The following ADAMTS8 variants were observed in gnomAD, a reference collection of about 807,000 sequenced individuals.
The protein encoded by ADAMTS8 is A disintegrin and metalloproteinase with thrombospondin motifs 8.
ADAMTS8 carries 50 observed loss-of-function variants against 64.4 expected under a neutral mutation model. That is an observed-to-expected ratio of 0.78 (90% CI 0.62 to 0.98). The LOEUF is 0.98. ADAMTS8 is among the 50% of genes least tolerant of loss of function. The pLI, the probability that ADAMTS8 is intolerant of heterozygous loss-of-function variation, is 0.00. For missense variants in ADAMTS8, 1,192 were observed against 1,208.2 expected (o/e 0.99, Z 0.20); for synonymous variants, 556 against 533.6 (o/e 1.04, Z -0.58).
rs949355015 is a variant in ADAMTS8, at chr11:130,416,624, C to T, written c.1097-294G>A. On this transcript the variant is annotated intron_variant, in intron 3 of 8. Coordinates refer to ENST00000257359, the MANE Select transcript of ADAMTS8 (RefSeq NM_007037.6). This position sits in a 1 kb window ranked among gnomAD's most constrained non-coding sequence, Gnocchi z 4.8. ...ACCATTGTTCTTCCCCCAGATCCCA[C>T]GGCTTAGCTTGTGCACAGCTCCACG... Among the ~76,000 whole-genome samples, 1 of 152,212 alleles carries T rather than the reference C, an allele frequency of 6.6e-6. No homozygotes were observed. The highest frequency in any genetic ancestry group is 1.5e-5 in the Non-Finnish European group (1 of 68,040).
chr11:130,416,795 T>C lies in ADAMTS8; in HGVS notation c.1096+145A>G. ...GTTCAGCACTGTCAAGCGCGGTATC[T>C]GTTTGTATACAGTCACCCTGTCAAA... On this transcript the variant is annotated intron_variant, in intron 3 of 8. Coordinates refer to ENST00000257359, the MANE Select transcript of ADAMTS8 (RefSeq NM_007037.6). This position sits in a 1 kb window ranked among gnomAD's most constrained non-coding sequence, Gnocchi z 4.8. 2 of 1,311,380 alleles carry C rather than the reference T, an allele frequency of 1.5e-6. No individual in the cohort carries two copies. Among genetic ancestry groups the C allele is most frequent in the Non-Finnish European group, 2.1e-6 (2 of 940,650 alleles). 81.2% of individuals were successfully genotyped at this position (1,311,380 alleles called of 1,614,324 possible). A position where few individuals can be genotyped will look rare whatever the true frequency, so the allele number is the denominator to read the frequency against.
intron 1 of ADAMTS8, among the ~76,000 whole-genome samples, chr11:130,420,419 G>A (rs886616824): frequency 3.9e-5 from 6 of 152,112 alleles, no homozygotes; most frequent in African/African-American, 1.4e-4. Context: ...AGCATTTTGT[G>A]GAAGAGGAGA....
rs1473454439 is a variant in ADAMTS8 at position 130,428,568 on chromosome 11, C to G, written c.-282G>C. ...CCTCCGCCCCTGCCCGCGCCAGCCC[C>G]GCGCAGCCGCCTCCTGCCTCCTCCC... On this transcript the variant is annotated 5_prime_UTR_variant, in exon 1 of 9. Transcript: ENST00000257359. The G allele has an allele frequency of 1.2e-5, 6 of 503,682 alleles. No individual in the cohort carries two copies. Among genetic ancestry groups the G allele is most frequent in the Admixed American group, 1.3e-4 (2 of 15,588 alleles). The allele number at this position is 503,682 out of a possible 1,614,324, so 31.2% of individuals were successfully genotyped here.
At chr11:130,414,935 A>G in intron 4 of ADAMTS8, 103 bp from the exon 5 acceptor site, 1 of 1,243,898 alleles carries the variant, frequency 8.0e-7, no homozygotes, top group African/African-American at 1.5e-5. Flanking sequence ...AGGTGTCACG[A>G]CTTCTTGACC....
rs1352246161 is a variant in ADAMTS8 at position 130,414,498 on chromosome 11, C to A, written c.1566+33G>T. 11 of 1,544,982 alleles carry A rather than the reference C, an allele frequency of 7.1e-6. No homozygotes were observed. In the Middle Eastern group the frequency reaches 5.3e-4, roughly 74 times the overall value. On this transcript the variant is annotated intron_variant, in intron 5 of 8. Transcript: ENST00000257359. ...CCCATTTCCTTTTGTTTCTCCTTTC[C>A]CCTCCCCGCTATCCTCAGGGGCTGT...
chr11:130,419,374 T>C, intron 1 of ADAMTS8, 82 bp from the exon 2 acceptor site: 1 of 1,560,454 alleles, frequency 6.4e-7, no homozygotes, highest in Non-Finnish European at 8.8e-7. Context: ...TGCCATCACC[T>C]CTTGTTATGG....
At chr11:130,420,534 C>T (rs2134688046) in intron 1 of ADAMTS8, among the ~76,000 whole-genome samples, 1 of 152,120 alleles carries the variant, frequency 6.6e-6, no homozygotes, top group East Asian at 1.9e-4. Context: ...CTTGGGATCC[C>T]CTCTTCCTCT....
rs575030577 is a variant in ADAMTS8, at chr11:130,426,779, G to A, written c.720+788C>T. On this transcript the variant is annotated intron_variant, in intron 1 of 8. Coordinates refer to ENST00000257359, the MANE Select transcript of ADAMTS8 (RefSeq NM_007037.6). ...GTGTCTGGGCTAAGGGCAGCTGGGTGGACCAAGTGTGGGTCTGGCTTTACT... is the reference window on the plus strand; with the variant it reads ...GTGTCTGGGCTAAGGGCAGCTGGGTAGACCAAGTGTGGGTCTGGCTTTACT... Among the ~76,000 whole-genome samples the A allele has an allele frequency of 3.3e-5, 5 of 152,352 alleles. No homozygotes were observed. In the East Asian group the frequency reaches 9.6e-4, roughly 29 times the overall value.
chr11:130,411,214 C>T lies in ADAMTS8; in HGVS notation c.1750+203G>A, dbSNP rs569890200. Among the ~76,000 whole-genome samples, 1 of 152,200 alleles carries T rather than the reference C, an allele frequency of 6.6e-6. No homozygotes were observed. Among genetic ancestry groups the T allele is most frequent in the South Asian group, 2.1e-4 (1 of 4,816 alleles). On this transcript the variant is annotated intron_variant, in intron 6 of 8. Transcript: ENST00000257359. This position sits in a 1 kb window ranked among gnomAD's most constrained non-coding sequence, Gnocchi z 4.2. ...CTGTCCCGGGTCCCTGAGAGCTGCC[C>T]CTGGGATTGGAACCTTGCAGAGCCC...
chr11:130,405,692 T>C lies in ADAMTS8; in HGVS notation c.2536A>G (p.Ser846Gly). 2 of 1,614,116 alleles carry C rather than the reference T, an allele frequency of 1.2e-6. No individual in the cohort carries two copies. The highest frequency in any genetic ancestry group is 1.7e-6 in the Non-Finnish European group (2 of 1,179,978). Reference sequence around the variant, plus strand: ...CTCTGCCAGCCGGCCCCGCAGGTGCTAGAGCACTCAGACCAGTCCCCCAGC... The same window carrying C: ...CTCTGCCAGCCGGCCCCGCAGGTGCCAGAGCACTCAGACCAGTCCCCCAGC... ...WVLGDWSECSSTCGAGWQRRT... is the reference protein window; with the variant it reads ...WVLGDWSECSGTCGAGWQRRT... The change falls in exon 9 of 9, where the codon AGC (serine) becomes GGC (glycine). Residue 846 changes from serine to glycine, a missense_variant. Physicochemically the swap from Ser to Gly is moderately conservative, Grantham distance 56. Transcript: ENST00000257359.
In ADAMTS8 at chr11:130,405,587, G is replaced by T; in HGVS notation, c.2641C>A (p.Pro881Thr). The change falls in exon 9 of 9, where the codon CCC (proline) becomes ACC (threonine). Residue 881 changes from proline (P) to threonine (T), a missense_variant. Pro to Thr is a conservative substitution (Grantham distance 38, BLOSUM62 -1). Coordinates refer to ENST00000257359, the MANE Select transcript of ADAMTS8 (RefSeq NM_007037.6). Reference sequence around the variant, plus strand: ...AGGGGGCACAGCTGGCTTTCGCAGGGCTTGGCATCCTCGGGTTTCAGAGCC... The same window carrying T: ...AGGGGGCACAGCTGGCTTTCGCAGGTCTTGGCATCCTCGGGTTTCAGAGCC... ...NKALKPEDAK[P>T]CESQLCPL 6.2e-7 allele frequency: 1 copy of T among 1,609,250 alleles called. No homozygotes were observed. The highest frequency in any genetic ancestry group is 8.5e-7 in the Non-Finnish European group (1 of 1,176,374).
Position 130,411,312 on chromosome 11 carries a change from A to G in ADAMTS8, c.1750+105T>C, listed in dbSNP as rs1861948541. ...TTTACTCCCCTCTGGGAGTAACTCT[A>G]TATCCCGGGACACCCACTTCACTCC... is the stretch of plus-strand genomic sequence containing the variant. On this transcript the variant is annotated intron_variant, in intron 6 of 8. Transcript: ENST00000257359. The surrounding 1 kb of genome is among the most constrained non-coding windows in gnomAD (Gnocchi z 4.2). 14 of 1,387,896 alleles carry G rather than the reference A, an allele frequency of 1.0e-5. No homozygotes were observed. Among genetic ancestry groups the G allele is most frequent in the South Asian group, 4.1e-5 (3 of 73,568 alleles). The allele number at this position is 1,387,896 out of a possible 1,614,324, so 86.0% of individuals were successfully genotyped here.
At chr11:130,415,372 C>T (rs1289136155) in intron 4 of ADAMTS8, among the ~76,000 whole-genome samples, 1 of 151,778 alleles carries the variant, frequency 6.6e-6, no homozygotes, top group Non-Finnish European at 1.5e-5. Flanking sequence ...GGCTCGATCT[C>T]GGCTCACCGC....
intron 5 of ADAMTS8, among the ~76,000 whole-genome samples, chr11:130,412,625 A>G (rs1427861090): frequency 1.3e-5 from 2 of 152,234 alleles, no homozygotes; most frequent in Admixed American, 6.5e-5. Flanking sequence ...TAAAAGTTAT[A>G]AAAGTAATAG....
chr11:130,409,834 C>T (rs930931473), intron 6 of ADAMTS8, among the ~76,000 whole-genome samples: 1 of 152,230 alleles, frequency 6.6e-6, no homozygotes. Flanking sequence ...AACTGTGCAT[C>T]TGAATGCCTG....
rs1007825232 is a variant in ADAMTS8 at position 130,405,002 on chromosome 11, T to C, written c.*556A>G. 1 of 986,418 alleles carries C rather than the reference T, an allele frequency of 1.0e-6. No individual in the cohort carries two copies. Among genetic ancestry groups the C allele is most frequent in the African/African-American group, 1.7e-5 (1 of 57,242 alleles). 61.1% of individuals were successfully genotyped at this position (986,418 alleles called of 1,614,324 possible). On this transcript the variant is annotated 3_prime_UTR_variant, in exon 9 of 9. Transcript: ENST00000257359. ...GGATCCACCCCTGCAGGTGGCAGCC[T>C]GAGAACATGTGGCTCTCCAAACCCT...
intron 2 of ADAMTS8, 127 bp downstream of exon 2, chr11:130,418,926 G>A (rs1565378595): frequency 6.9e-7 from 1 of 1,454,260 alleles, no homozygotes; most frequent in African/African-American, 1.4e-5. Flanking sequence ...CTGGGCATGA[G>A]GCTCTGGCGT....
intron 8 of ADAMTS8, among the ~76,000 whole-genome samples, chr11:130,408,101 T>C (rs1861906152): frequency 6.6e-6 from 1 of 152,092 alleles, no homozygotes; most frequent in Admixed American, 6.5e-5. Context: ...AAAACAGGCC[T>C]GGGAGAGCTG....
intron 1 of ADAMTS8, among the ~76,000 whole-genome samples, chr11:130,426,872 C>T (rs980868727): frequency 1.3e-5 from 2 of 152,256 alleles, no homozygotes; most frequent in African/African-American, 4.8e-5. Context: ...AGCTTCAGCT[C>T]CTGGGCTGAG....
Sources: gnomAD v4.1 joint callset for allele counts (sites outside exome capture counted in the v4.1 genomes callset) on GRCh38, gnomAD v4.1.1 for gene constraint, Gnocchi (gnomAD v3.1) non-coding constraint, MANE v1.5 for transcripts, NCBI Gene and HGNC (gene_info 2026-07-23, HGNC 2026-07-21) for gene names.